The following GSDMD variants were observed in gnomAD, a reference collection of about 807,000 sequenced individuals.
The protein encoded by GSDMD is gasdermin D, also known as gasdermin-D.
In GSDMD, 46 loss-of-function variants were observed where a neutral mutation model predicts 46.7. That is an observed-to-expected ratio of 0.99 (90% CI 0.78 to 1.26). The LOEUF is 1.26. GSDMD is among the 50% of genes most tolerant of loss of function. The probability of loss-of-function intolerance (pLI) is 0.00; values close to 1 mark genes in which losing one functional copy is unlikely to be tolerated. For synonymous variants in GSDMD, 307 were observed against 283.1 expected (o/e 1.08, Z -0.85); for missense variants, 649 against 638.8 (o/e 1.02, Z -0.17).
chr8:143,557,312 A>ATGGCGAAGGATGCTGCCGCTT (rs1823318778), upstream of GSDMD, among the ~76,000 whole-genome samples: 14 of 86,832 alleles, frequency 1.6e-4, no homozygotes, highest in African/African-American at 6.7e-4. Context: ...TGCTGCCGCT[A>ATGGCGAAGGATGCTGCCGCTT]TGGCGAAGGA....
In GSDMD at chr8:143,559,793, G is replaced by C; in HGVS notation, c.234G>C (p.Arg78Ser). 6.2e-7 allele frequency: 1 copy of C among 1,603,190 alleles called. No homozygotes were observed. The highest frequency in any genetic ancestry group is 1.3e-5 in the African/African-American group (1 of 74,904). Residue 78 changes from arginine to serine, a missense_variant, in exon 3 of 11, where the codon AGG (arginine) becomes AGC (serine). Physicochemically the swap from Arg to Ser is moderately radical, Grantham distance 110 (BLOSUM62 -1). Transcript: ENST00000262580. ...TTGCTTTAGACGTGCAGCGTGGCAGGAGCTTCCACTTCTACGATGCCATGG... is the reference window on the plus strand; with the variant it reads ...TTGCTTTAGACGTGCAGCGTGGCAGCAGCTTCCACTTCTACGATGCCATGG... Reference protein sequence around the residue: ...DAAEPDVQRGRSFHFYDAMDG... With the variant: ...DAAEPDVQRGSSFHFYDAMDG...
intron 6 of GSDMD, 97 bp from the exon 7 acceptor site, chr8:143,561,645 G>T (rs13255282): frequency 0.24 from 254,964 of 1,083,700 alleles, 32,325 homozygotes; most frequent in East Asian, 0.43. Flanking sequence ...GCAGTGGTGA[G>T]CGGGGCTGTG....
chr8:143,554,665 C>A (rs916798199), upstream of GSDMD, among the ~76,000 whole-genome samples: 1 of 151,832 alleles, frequency 6.6e-6, no homozygotes, highest in African/African-American at 2.4e-5. Flanking sequence ...TGCATACACA[C>A]GTGCACAAAC....
At chr8:143,561,647 G>C (rs1042621910) in intron 6 of GSDMD, 95 bp from the exon 7 acceptor site, 9 of 1,104,400 alleles carry the variant, frequency 8.1e-6, no homozygotes, top group Non-Finnish European at 1.2e-5. Flanking sequence ...AGTGGTGAGC[G>C]GGGCTGTGAC....
At chr8:143,558,333 C>T (rs1242229482), upstream of GSDMD, 1 of 1,523,260 alleles carries the variant, frequency 6.6e-7, no homozygotes, top group East Asian at 2.6e-5. Flanking sequence ...CTGGGCGGGC[C>T]CTGCGTCAGG....
Position 143,558,444 on chromosome 8 carries a change from C to T in GSDMD, c.-12C>T. On this transcript the variant is annotated 5_prime_UTR_variant, in exon 1 of 11. In the 5' UTR this introduces an upstream ATG that the reference lacks. Transcript: ENST00000262580. ...AGACGCGCCACCCTCGGGGCGCCGACGGTCACGGTGAGCTGCGCCCCGCCC... is the reference window on the plus strand; with the variant it reads ...AGACGCGCCACCCTCGGGGCGCCGATGGTCACGGTGAGCTGCGCCCCGCCC... 3 of 1,502,380 alleles carry T rather than the reference C, an allele frequency of 2.0e-6. No individual in the cohort carries two copies. The highest frequency in any genetic ancestry group is 1.2e-5 in the South Asian group (1 of 81,048). 93.1% of individuals were successfully genotyped at this position (1,502,380 alleles called of 1,614,324 possible).
Position 143,562,684 on chromosome 8 carries a change from G to GTGCC in GSDMD, c.1236_1239dup (p.Pro414CysfsTer?). 6.2e-7 allele frequency: 1 copy of GTGCC among 1,606,106 alleles called. No individual in the cohort carries two copies. Among genetic ancestry groups the GTGCC allele is most frequent in the South Asian group, 1.1e-5 (1 of 90,024 alleles). ...CAGGTGGGCAGCCTCTTGGAGCAGA[G>GTGCC]TGCCCCGTGGCAGGAGCGCAGCACC... On this transcript the variant is annotated frameshift_variant, in exon 11 of 11. Coordinates refer to ENST00000262580, the MANE Select transcript of GSDMD (RefSeq NM_024736.7). LOFTEE classifies it low-confidence loss of function (END_TRUNC).
chr8:143,558,796 C>T, intron 1 of GSDMD: 1 of 589,056 alleles, frequency 1.7e-6, no homozygotes, highest in Non-Finnish European at 3.2e-6. Context: ...CCACAGTGGC[C>T]CAGGTGCCCC....
At chr8:143,561,313 G>A (rs771682018) in intron 5 of GSDMD, 57 bp from the exon 6 acceptor site, 162 of 1,508,718 alleles carry the variant, frequency 1.1e-4, no homozygotes, top group Middle Eastern at 3.5e-4. Flanking sequence ...GGGAGGGGAG[G>A]GGATGCTGGG....
chr8:143,557,451 CTGCCGCTATGATGAAGGATGA>C (rs1477925235), upstream of GSDMD, among the ~76,000 whole-genome samples: 25 of 150,784 alleles, frequency 1.7e-4, no homozygotes, highest in African/African-American at 5.7e-4. Flanking sequence ...ACGACGGATG[CTGCCGCTATGATGAAGGATGA>C]TGCCGCTGTG....
Position 143,562,435 on chromosome 8 carries a change from G to A in GSDMD, c.1139-13G>A. 1 of 1,604,918 alleles carries A rather than the reference G, an allele frequency of 6.2e-7. No individual in the cohort carries two copies. The highest frequency in any genetic ancestry group is 8.5e-7 in the Non-Finnish European group (1 of 1,177,830). ...GGCGTTCAGAAACCCCCTTTTACCT[G>A]ACTCTCTCCCAGTGCTGAGTGAAAC... On this transcript the variant is annotated splice_polypyrimidine_tract_variant and intron_variant, in intron 9 of 10. Transcript: ENST00000262580.
At chr8:143,559,283 C>T in intron 1 of GSDMD, 49 bp from the exon 2 acceptor site, 37 of 590,570 alleles carry the variant, frequency 6.3e-5, no homozygotes, top group Middle Eastern at 4.6e-4. Context: ...CTCCCACTCC[C>T]TCCCGCCCGC....
chr8:143,561,741 G>A lies in GSDMD; in HGVS notation c.737-1G>A. The A allele has an allele frequency of 6.2e-7, 1 of 1,605,230 alleles. No individual in the cohort carries two copies. Among genetic ancestry groups the A allele is most frequent in the South Asian group, 1.1e-5 (1 of 89,934 alleles). Reference sequence around the variant, plus strand: ...CCCTGCCCTCCCATGCCCCTGCCCAGGCCACAAGCGTTCCACGAGCGAAGG... The same window carrying A: ...CCCTGCCCTCCCATGCCCCTGCCCAAGCCACAAGCGTTCCACGAGCGAAGG... On this transcript the variant is annotated splice_acceptor_variant, in intron 6 of 10. Transcript: ENST00000262580. LOFTEE classifies it high-confidence loss of function.
chr8:143,558,544 C>A (rs1021410281), intron 1 of GSDMD, 93 bp downstream of exon 1: 8 of 1,225,856 alleles, frequency 6.5e-6, no homozygotes, highest in Middle Eastern at 2.9e-4. Flanking sequence ...GGCCCTGCTG[C>A]CCCAGCGTTC....
chr8:143,562,406 G>A (rs373436630), intron 9 of GSDMD, 42 bp from the exon 10 acceptor site: 38 of 1,568,156 alleles, frequency 2.4e-5, no homozygotes, highest in African/African-American at 1.2e-4. Flanking sequence ...GGGCTTTCCC[G>A]GTGGGCGTTC....
chr8:143,560,282 T>C (rs899899441), intron 3 of GSDMD: 17 of 687,210 alleles, frequency 2.5e-5, no homozygotes, highest in South Asian at 2.4e-4. Context: ...GCAGGGGTCA[T>C]CTGGGGCCTC....
Position 143,559,310 on chromosome 8 carries a change from CTGA to C in GSDMD, c.-4-21_-4-19del. On this transcript the variant is annotated intron_variant, in intron 1 of 10. Coordinates refer to ENST00000262580, the MANE Select transcript of GSDMD (RefSeq NM_024736.7). The stretch of plus-strand genomic sequence containing the variant: ...CCCGCCCGCCCCGAGAGCACAATGC[CTGA>C]CCCATTTCCCCTCCTCAGGAGCATG... 8.1e-7 allele frequency: 1 copy of C among 1,236,982 alleles called. No individual in the cohort carries two copies. Among genetic ancestry groups the C allele is most frequent in the South Asian group, 1.2e-5 (1 of 82,974 alleles). 76.6% of individuals were successfully genotyped at this position (1,236,982 alleles called of 1,614,324 possible).
intron 2 of GSDMD, 66 bp downstream of exon 2, chr8:143,559,618 C>T: frequency 6.6e-7 from 1 of 1,510,640 alleles, no homozygotes; most frequent in Non-Finnish European, 9.1e-7. Flanking sequence ...CGGGCTGGGG[C>T]CAACCATCCA....
At chr8:143,557,357 G>A (rs898437890), upstream of GSDMD, among the ~76,000 whole-genome samples, 1,317 of 89,922 alleles carry the variant, frequency 0.015, 56 homozygotes, top group African/African-American at 0.043. Flanking sequence ...TGCCGCTTTG[G>A]CGAAGGATGC....
Sources: allele counts gnomAD v4.1 joint callset (sites outside exome capture counted in the v4.1 genomes callset), GRCh38; gene constraint gnomAD v4.1.1; transcripts MANE v1.5; gene names NCBI Gene and HGNC (gene_info 2026-07-23, HGNC 2026-07-21).